Variants in TNRC18 observed in about 807,000 individuals in gnomAD.
TNRC18 encodes trinucleotide repeat containing 18, also known as trinucleotide repeat-containing gene 18 protein.
TNRC18 carries 69 observed loss-of-function variants against 226.7 expected under a neutral mutation model. The observed-to-expected ratio is 0.30, with a 90% CI of 0.25 to 0.37. The LOEUF (loss-of-function observed/expected upper bound fraction) is 0.37. TNRC18 is among the 10% of genes least tolerant of loss of function. TNRC18 has a pLI of 1.00. For missense variants in TNRC18, 4,754 were observed against 4,256.6 expected (o/e 1.12, Z -3.25); for synonymous variants, 2,449 against 1,927.6 (o/e 1.27, Z -7.09).
rs557443894 is a variant in TNRC18, at chr7:5,325,476, C to T, written c.6148-228G>A. ...TCTCGCTCTGTCACCGAGGCTGGAGCGCAGTGGCGCGATCTTGGCTCACTG... is the reference window on the plus strand; with the variant it reads ...TCTCGCTCTGTCACCGAGGCTGGAGTGCAGTGGCGCGATCTTGGCTCACTG... On this transcript the variant is annotated intron_variant, in intron 19 of 29. Transcript: ENST00000430969. 440 of 473,590 alleles carry T rather than the reference C, an allele frequency of 9.3e-4. 3 individuals are homozygous for T. The highest frequency in any genetic ancestry group is 6.4e-3 in the African/African-American group (302 of 47,148). 29.3% of individuals were successfully genotyped at this position (473,590 alleles called of 1,614,324 possible).
chr7:5,346,020 C>T (rs1168181371), intron 17 of TNRC18, among the ~76,000 whole-genome samples: 1 of 152,236 alleles, frequency 6.6e-6, no homozygotes, highest in Non-Finnish European at 1.5e-5. Context: ...ACGCGGGCAT[C>T]CCAGAAAGCC....
In TNRC18 at chr7:5,324,804, C is replaced by T. The variant is rs1211478373; in HGVS notation, c.6300+292G>A. Among the ~76,000 whole-genome samples, 1 of 152,204 alleles carries T rather than the reference C, an allele frequency of 6.6e-6. No individual in the cohort carries two copies. The highest frequency in any genetic ancestry group is 1.5e-5 in the Non-Finnish European group (1 of 68,026). On this transcript the variant is annotated intron_variant, in intron 20 of 29. Transcript: ENST00000430969. The surrounding 1 kb of genome is among the most constrained non-coding windows in gnomAD (Gnocchi z 4.8). ...GCAGATTCACCCAAGCCTGAGGGCC[C>T]TGTGAGGACCTGGTGCTGGGCTGGG...
chr7:5,357,873 T>G (rs1792612491), intron 15 of TNRC18, among the ~76,000 whole-genome samples: 1 of 152,184 alleles, frequency 6.6e-6, no homozygotes, highest in Non-Finnish European at 1.5e-5. Context: ...AGGTATGCAG[T>G]GACCACAACG....
intron 1 of TNRC18, among the ~76,000 whole-genome samples, chr7:5,422,014 G>T (rs185873838): frequency 6.6e-6 from 1 of 152,184 alleles, no homozygotes; most frequent in East Asian, 1.9e-4. Context: ...GCCTTGAACC[G>T]CCGACGGAAT....
At chr7:5,361,103 C>T (rs965865522) in intron 14 of TNRC18, among the ~76,000 whole-genome samples, 15 of 152,294 alleles carry the variant, frequency 9.8e-5, no homozygotes, top group Non-Finnish European at 1.5e-4. Flanking sequence ...CACACAGGTG[C>T]CCCACAAGGC....
chr7:5,340,646 G>C (rs1790597329), intron 18 of TNRC18, among the ~76,000 whole-genome samples: 1 of 151,666 alleles, frequency 6.6e-6, no homozygotes, highest in African/African-American at 2.4e-5. Flanking sequence ...GGGAGGCTGA[G>C]GCAGGAGAAT....
At chr7:5,333,351 A>T (rs1789753107) in intron 18 of TNRC18, among the ~76,000 whole-genome samples, 1 of 152,166 alleles carries the variant, frequency 6.6e-6, no homozygotes, top group Non-Finnish European at 1.5e-5. Context: ...GAAATCCCAG[A>T]AGCCAGGGCA....
intron 2 of TNRC18, among the ~76,000 whole-genome samples, chr7:5,398,565 T>C (rs527737975): frequency 6.6e-6 from 1 of 151,074 alleles, no homozygotes; most frequent in African/African-American, 2.4e-5. Context: ...GCAATCCTCC[T>C]GCCTTGGCCT....
Position 5,370,556 on chromosome 7 carries a change from C to T in TNRC18, c.4038G>A (p.Ala1346=), listed in dbSNP as rs531801163. 9.3e-6 allele frequency: 15 copies of T among 1,610,098 alleles called. 1 individual carries two copies. Among genetic ancestry groups the T allele is most frequent in the African/African-American group, 5.3e-5 (4 of 75,008 alleles). The change falls in exon 11 of 30, where the codon GCG becomes GCA. Residue 1346 remains alanine (A), a synonymous_variant. Transcript: ENST00000430969. ...TGGCCTGGGGCAGCTCCGCAGCTGC[C>T]GCCAGGGCGTTCATGCCAGCCAGTG... ...EDPLAGMNAL[A]AAAELPQARP...
At position 5,388,669 on chromosome 7, in the gene TNRC18, C is replaced by G. The variant is rs907846985; in HGVS notation, c.1155G>C (p.Pro385=). The change falls in exon 5 of 30, where the codon CCG becomes CCC. Residue 385 remains proline (P), a synonymous_variant. Transcript: ENST00000430969. The part of the protein sequence containing the change: ...VPSVEAFDER[P]GPIQIASQAR... The stretch of plus-strand genomic sequence containing the variant: ...CCTGGGATGCGATCTGGATGGGCCC[C>G]GGGCGCTCGTCGAAGGCCTCCACGG... 7 of 1,269,018 alleles carry G rather than the reference C, an allele frequency of 5.5e-6. No homozygotes were observed. The highest frequency in any genetic ancestry group is 1.6e-5 in the African/African-American group (1 of 62,562). The allele number at this position is 1,269,018 out of a possible 1,614,324, so 78.6% of individuals were successfully genotyped here. A position where few individuals can be genotyped will look rare whatever the true frequency, so the allele number is the denominator to read the frequency against.
At chr7:5,356,845 G>C in intron 16 of TNRC18, 71 bp downstream of exon 16, 10 of 1,454,586 alleles carry the variant, frequency 6.9e-6, no homozygotes, top group Non-Finnish European at 8.2e-6. Flanking sequence ...GGGGAAGGAG[G>C]ACGGTGGAGA....
chr7:5,308,702 C>T (rs1467093100), intron 29 of TNRC18, among the ~76,000 whole-genome samples, 173 bp downstream of exon 29: 2 of 152,074 alleles, frequency 1.3e-5, no homozygotes, highest in Non-Finnish European at 2.9e-5. Context: ...GACGCACAGA[C>T]CAGAGAGACA....
At position 5,388,911 on chromosome 7, in the gene TNRC18, C is replaced by T; in HGVS notation, c.913G>A (p.Ala305Thr). The T allele has an allele frequency of 1.5e-6, 2 of 1,364,944 alleles. No homozygotes were observed. Among genetic ancestry groups the T allele is most frequent in the Non-Finnish European group, 1.9e-6 (2 of 1,055,018 alleles). 84.6% of individuals were successfully genotyped at this position (1,364,944 alleles called of 1,614,324 possible). ...TCGTCCTGCCGGGCAGCCTCCTTGGCACCCCCGCGCCCCGCTTCGGCCACC... is the reference window on the plus strand; with the variant it reads ...TCGTCCTGCCGGGCAGCCTCCTTGGTACCCCCGCGCCCCGCTTCGGCCACC... The part of the protein sequence containing the change: ...ALVAEAGRGG[A>T]KEAARQDEGA... The change falls in exon 5 of 30, where the codon GCC (alanine) becomes ACC (threonine). Residue 305 changes from alanine to threonine, a missense_variant. Ala to Thr is a moderately conservative substitution (Grantham distance 58). Transcript: ENST00000430969.
chr7:5,408,782 T>A (rs1324219831), intron 2 of TNRC18, among the ~76,000 whole-genome samples: 1 of 152,198 alleles, frequency 6.6e-6, no homozygotes, highest in Non-Finnish European at 1.5e-5. Context: ...TTCTGGAGAC[T>A]GAATCCAGAG....
Position 5,308,035 on chromosome 7 carries a change from C to A in TNRC18, c.*71G>T, listed in dbSNP as rs530989930. The A allele has an allele frequency of 7.1e-7, 1 of 1,416,156 alleles. No homozygotes were observed. Among genetic ancestry groups the A allele is most frequent in the Admixed American group, 2.1e-5 (1 of 47,758 alleles). The allele number at this position is 1,416,156 out of a possible 1,614,324, so 87.7% of individuals were successfully genotyped here. A position where few individuals can be genotyped will look rare whatever the true frequency, so the allele number is the denominator to read the frequency against. ...ATGCACACAACGCACGTGGTCTCCG[C>A]GCCATGGCAGTGATGGAGATGGGTC... On this transcript the variant is annotated 3_prime_UTR_variant, in exon 30 of 30. Coordinates refer to ENST00000430969, the MANE Select transcript of TNRC18 (RefSeq NM_001080495.3).
chr7:5,340,784 A>G (rs1790611783), intron 18 of TNRC18, among the ~76,000 whole-genome samples: 1 of 152,008 alleles, frequency 6.6e-6, no homozygotes, highest in Non-Finnish European at 1.5e-5. Context: ...CCGTCTCCAT[A>G]ACATAAAAAT....
chr7:5,365,948 A>G (rs1306431506), intron 11 of TNRC18, among the ~76,000 whole-genome samples: 2 of 152,092 alleles, frequency 1.3e-5, no homozygotes, highest in East Asian at 3.9e-4. Flanking sequence ...GCGCATGCCT[A>G]TAATGCCAGC....
intron 11 of TNRC18, among the ~76,000 whole-genome samples, chr7:5,366,809 A>T (rs2128167833): frequency 6.6e-6 from 1 of 152,308 alleles, no homozygotes; most frequent in South Asian, 2.1e-4. Flanking sequence ...GAGGGGACCA[A>T]GGTACAACTC....
intron 17 of TNRC18, among the ~76,000 whole-genome samples, chr7:5,346,447 G>C (rs1210441322): frequency 1.3e-5 from 2 of 152,114 alleles, no homozygotes; most frequent in African/African-American, 4.8e-5. Context: ...AGTGAGCTGA[G>C]ATCGCATCAC....
Sources: gnomAD v4.1 joint callset for allele counts (sites outside exome capture counted in the v4.1 genomes callset) on GRCh38, gnomAD v4.1.1 for gene constraint, Gnocchi (gnomAD v3.1) non-coding constraint, MANE v1.5 for transcripts, NCBI Gene and HGNC (gene_info 2026-07-23, HGNC 2026-07-21) for gene names.